Variants in EPS8 observed in about 807,000 individuals in gnomAD.
EPS8 encodes EGFR pathway substrate 8, signaling adaptor, also known as epidermal growth factor receptor kinase substrate 8.
In EPS8, 42 loss-of-function variants were observed where a neutral mutation model predicts 103.8. That is an observed-to-expected ratio of 0.40 (90% CI 0.32 to 0.52). EPS8 has a LOEUF of 0.52. EPS8 is among the 20% of genes least tolerant of loss of function. The probability of loss-of-function intolerance (pLI) is 0.40; values close to 1 mark genes in which losing one functional copy is unlikely to be tolerated. For missense variants in EPS8, 969 were observed against 1,005.1 expected (o/e 0.96, Z 0.49); for synonymous variants, 344 against 344.6 (o/e 1.00, Z 0.02).
At chr12:15,709,360 G>A (rs1264049450) in intron 1 of EPS8, among the ~76,000 whole-genome samples, 1 of 152,142 alleles carries the variant, frequency 6.6e-6, no homozygotes, top group African/African-American at 2.4e-5. Context: ...AATGGCAGTG[G>A]TCAGTAAACC....
chr12:15,762,376 C>A lies in EPS8; in HGVS notation c.-22+26785G>T, dbSNP rs527514400. Among the ~76,000 whole-genome samples the A allele has an allele frequency of 4.6e-5, 7 of 152,240 alleles. No homozygotes were observed. The highest frequency in any genetic ancestry group is 4.6e-4 in the Admixed American group (7 of 15,288). On this transcript the variant is annotated intron_variant, in intron 1 of 20. Coordinates refer to ENST00000281172, the MANE Select transcript of EPS8 (RefSeq NM_004447.6). The surrounding 1 kb of genome is among the most constrained non-coding windows in gnomAD (Gnocchi z 4.8). ...GCAACCGCTATGCAGAACAGTTTGG[C>A]GGTGCCTCAAAAAACTAAAAGGAGA...
intron 13 of EPS8, among the ~76,000 whole-genome samples, chr12:15,651,802 G>A (rs2135788624): frequency 6.6e-6 from 1 of 152,122 alleles, no homozygotes; most frequent in Non-Finnish European, 1.5e-5. Context: ...AGACTTTCAT[G>A]GTTCTTTTTA....
chr12:15,653,500 C>T (rs1007240503), intron 13 of EPS8, among the ~76,000 whole-genome samples: 7 of 152,162 alleles, frequency 4.6e-5, no homozygotes, highest in Admixed American at 4.6e-4. Flanking sequence ...CATCTTCATC[C>T]TTTCTTCTCT....
At chr12:15,643,427 T>C (rs1945265263) in intron 15 of EPS8, among the ~76,000 whole-genome samples, 1 of 152,122 alleles carries the variant, frequency 6.6e-6, no homozygotes, top group Non-Finnish European at 1.5e-5. Flanking sequence ...CAATCACAAT[T>C]TGTAATTTTT....
Position 15,659,863 on chromosome 12 carries a change from C to T in EPS8, c.937+751G>A, listed in dbSNP as rs556100988. ...GACTTTGTATGTGACCTGAATGTAC[C>T]GTTTAAAGTTTTGTGATAAAAAATT... On this transcript the variant is annotated intron_variant, in intron 10 of 20. Coordinates refer to ENST00000281172, the MANE Select transcript of EPS8 (RefSeq NM_004447.6). Among the ~76,000 whole-genome samples the T allele has an allele frequency of 7.9e-5, 12 of 152,154 alleles. No individual in the cohort carries two copies. The South Asian group carries it at 8.3e-4, about 11-fold the overall frequency.
In EPS8 at chr12:15,716,623, A is replaced by C. The variant is rs1402570004; in HGVS notation, c.-21-33651T>G. 6.6e-6 allele frequency among the ~76,000 whole-genome samples: 1 copy of C among 152,216 alleles called. No individual in the cohort carries two copies. The highest frequency in any genetic ancestry group is 1.5e-5 in the Non-Finnish European group (1 of 68,030). ...TTTTTTCCAAAGCTCTTGAAGCTGG[A>C]AATTGCACACACACACATCTTTACT... is the stretch of plus-strand genomic sequence containing the variant. On this transcript the variant is annotated intron_variant, in intron 1 of 20. Transcript: ENST00000281172. This position sits in a 1 kb window ranked among gnomAD's most constrained non-coding sequence, Gnocchi z 5.0.
At position 15,735,561 on chromosome 12, in the gene EPS8, T is replaced by C. The variant is rs1304187914; in HGVS notation, c.-21-52589A>G. On this transcript the variant is annotated intron_variant, in intron 1 of 20. Transcript: ENST00000281172. The surrounding 1 kb of genome is among the most constrained non-coding windows in gnomAD (Gnocchi z 4.4). ...TGTCTAATCCTAAATGCCTCAAAGCTACTTAATTTTGAATCTTTTTAATAT... is the reference window on the plus strand; with the variant it reads ...TGTCTAATCCTAAATGCCTCAAAGCCACTTAATTTTGAATCTTTTTAATAT... Among the ~76,000 whole-genome samples the C allele has an allele frequency of 1.3e-5, 2 of 152,204 alleles. No individual in the cohort carries two copies. The highest frequency in any genetic ancestry group is 2.9e-5 in the Non-Finnish European group (2 of 68,038).
chr12:15,709,359 G>C (rs1946431095), intron 1 of EPS8, among the ~76,000 whole-genome samples: 1 of 152,030 alleles, frequency 6.6e-6, no homozygotes, highest in Admixed American at 6.6e-5. Flanking sequence ...TAATGGCAGT[G>C]GTCAGTAAAC....
At chr12:15,664,962 A>C (rs559501432) in intron 8 of EPS8, 188 of 152,324 alleles carry the variant, frequency 1.2e-3, no homozygotes, top group African/African-American at 4.3e-3. Flanking sequence ...ACAGAATGCC[A>C]AGGTGAAATG....
chr12:15,764,392 A>C lies in EPS8; in HGVS notation c.-22+24769T>G, dbSNP rs1326497666. Among the ~76,000 whole-genome samples, 1 of 152,246 alleles carries C rather than the reference A, an allele frequency of 6.6e-6. No homozygotes were observed. Among genetic ancestry groups the C allele is most frequent in the Non-Finnish European group, 1.5e-5 (1 of 68,038 alleles). Reference sequence around the variant, plus strand: ...GTTAGAAGGAGCTGAATGACAAGTCAAGAGACAATCTGTTCAAGTCCACAA... The same window carrying C: ...GTTAGAAGGAGCTGAATGACAAGTCCAGAGACAATCTGTTCAAGTCCACAA... On this transcript the variant is annotated intron_variant, in intron 1 of 20. Transcript: ENST00000281172. The surrounding 1 kb of genome is among the most constrained non-coding windows in gnomAD (Gnocchi z 4.1).
chr12:15,782,093 T>C (rs917956212), intron 1 of EPS8: 5 of 152,086 alleles, frequency 3.3e-5, no homozygotes, highest in African/African-American at 1.2e-4. Flanking sequence ...AAAAGAGAGG[T>C]ACATTTGACT....
In EPS8 at chr12:15,731,640, T is replaced by C. The variant is rs1355941703; in HGVS notation, c.-21-48668A>G. Among the ~76,000 whole-genome samples the C allele has an allele frequency of 6.6e-6, 1 of 152,202 alleles. No individual in the cohort carries two copies. Among genetic ancestry groups the C allele is most frequent in the Non-Finnish European group, 1.5e-5 (1 of 68,022 alleles). ...GGCTTTTTCACATCATGTGACTTCATGCTAAAGATTCTAAGAGCTAAAGTA... is the reference window on the plus strand; with the variant it reads ...GGCTTTTTCACATCATGTGACTTCACGCTAAAGATTCTAAGAGCTAAAGTA... On this transcript the variant is annotated intron_variant, in intron 1 of 20. Coordinates refer to ENST00000281172, the MANE Select transcript of EPS8 (RefSeq NM_004447.6). The surrounding 1 kb of genome is among the most constrained non-coding windows in gnomAD (Gnocchi z 5.1).
chr12:15,645,118 A>G (rs932978426), intron 15 of EPS8, among the ~76,000 whole-genome samples: 1 of 152,048 alleles, frequency 6.6e-6, no homozygotes, highest in Non-Finnish European at 1.5e-5. Flanking sequence ...CAAAGGTTAC[A>G]AAAAGAAACC....
At chr12:15,628,490 A>G (rs1944987560) in intron 18 of EPS8, among the ~76,000 whole-genome samples, 1 of 152,236 alleles carries the variant, frequency 6.6e-6, no homozygotes, top group African/African-American at 2.4e-5. Context: ...AAATTCGAAT[A>G]AAAGGACTAC....
chr12:15,680,390 C>T (rs1415208487), intron 3 of EPS8, among the ~76,000 whole-genome samples: 1 of 152,108 alleles, frequency 6.6e-6, no homozygotes. Context: ...TTGCCAAGAA[C>T]AGTTCTAAGT....
chr12:15,630,018 C>T lies in EPS8; in HGVS notation c.2044+1424G>A, dbSNP rs183163970. On this transcript the variant is annotated intron_variant, in intron 18 of 20. Transcript: ENST00000281172. ...TGGATGTCAGAGATGAGTTTTAATACGATGACTAATTTGGGAATCATTCTT... is the reference window on the plus strand; with the variant it reads ...TGGATGTCAGAGATGAGTTTTAATATGATGACTAATTTGGGAATCATTCTT... Among the ~76,000 whole-genome samples, 19 of 152,004 alleles carry T rather than the reference C, an allele frequency of 1.2e-4. No individual in the cohort carries two copies. The East Asian group carries it at 1.5e-3, about 12-fold the overall frequency.
chr12:15,693,811 A>G lies in EPS8; in HGVS notation c.-21-10839T>C, dbSNP rs557165990. Reference sequence around the variant, plus strand: ...ACAGGAACAGAAAACCAAACACTGCATATTCTCACTCATAACTGAGAGCTG... The same window carrying G: ...ACAGGAACAGAAAACCAAACACTGCGTATTCTCACTCATAACTGAGAGCTG... On this transcript the variant is annotated intron_variant, in intron 1 of 20. Transcript: ENST00000281172. The surrounding 1 kb of genome is among the most constrained non-coding windows in gnomAD (Gnocchi z 5.6). Among the ~76,000 whole-genome samples the G allele has an allele frequency of 2.6e-5, 4 of 152,320 alleles. No homozygotes were observed. In the East Asian group the frequency reaches 7.7e-4, roughly 29 times the overall value.
At chr12:15,665,635 T>C (rs1288744399) in intron 8 of EPS8, 121 bp downstream of exon 8, 31 of 1,251,156 alleles carry the variant, frequency 2.5e-5, no homozygotes, top group Non-Finnish European at 3.2e-5. Flanking sequence ...CCGGCCAGAG[T>C]TGATTTTTTA....
rs1946305004 is a variant in EPS8 at position 15,701,016 on chromosome 12, C to G, written c.-21-18044G>C. ...AAGGTATATTATAAAGAATAAACTA[C>G]TACCTACCTGTGTCCATCTTTATAC... is the stretch of plus-strand genomic sequence containing the variant. On this transcript the variant is annotated intron_variant, in intron 1 of 20. Transcript: ENST00000281172. This position sits in a 1 kb window ranked among gnomAD's most constrained non-coding sequence, Gnocchi z 5.1. Among the ~76,000 whole-genome samples the G allele has an allele frequency of 1.3e-5, 2 of 152,256 alleles. No individual in the cohort carries two copies. Among genetic ancestry groups the G allele is most frequent in the South Asian group, 2.1e-4 (1 of 4,828 alleles).
Sources: gnomAD v4.1 joint callset for allele counts (sites outside exome capture counted in the v4.1 genomes callset) on GRCh38, gnomAD v4.1.1 for gene constraint, Gnocchi (gnomAD v3.1) non-coding constraint, MANE v1.5 for transcripts, NCBI Gene and HGNC (gene_info 2026-07-23, HGNC 2026-07-21) for gene names.